ZFYVE9: variants seen among roughly 807,000 people sequenced by gnomAD.
The protein encoded by ZFYVE9 is zinc finger FYVE domain-containing protein 9.
In ZFYVE9, 43 loss-of-function variants were observed where a neutral mutation model predicts 126.7. That is an observed-to-expected ratio of 0.34 (90% CI 0.27 to 0.44). The LOEUF is 0.44. Among genes scored for constraint, ZFYVE9 ranks in the 20% least tolerant of loss-of-function variants. The pLI is 1.00. For synonymous variants in ZFYVE9, 521 were observed against 597.4 expected (o/e 0.87, Z 1.87); for missense variants, 1,476 against 1,697.0 (o/e 0.87, Z 2.29).
chr1:52,144,096 T>C (rs929888209), intron 1 of ZFYVE9, among the ~76,000 whole-genome samples: 1 of 151,936 alleles, frequency 6.6e-6, no homozygotes, highest in African/African-American at 2.4e-5. Context: ...CCGAGGCGGG[T>C]GGATCATGAG....
intron 3 of ZFYVE9, among the ~76,000 whole-genome samples, chr1:52,233,893 G>A (rs893674331): frequency 6.6e-6 from 1 of 152,124 alleles, no homozygotes; most frequent in African/African-American, 2.4e-5. Flanking sequence ...TGATTCCCAT[G>A]CCTCAGCTTC....
chr1:52,266,053 C>T (rs551807243), intron 5 of ZFYVE9, among the ~76,000 whole-genome samples: 8 of 152,246 alleles, frequency 5.3e-5, no homozygotes, highest in African/African-American at 1.9e-4. Flanking sequence ...ACCTTTAACT[C>T]AGATTGATCT....
At chr1:52,322,293 G>C (rs1281219773) in intron 13 of ZFYVE9, among the ~76,000 whole-genome samples, 1 of 151,786 alleles carries the variant, frequency 6.6e-6, no homozygotes, top group Non-Finnish European at 1.5e-5. Context: ...CTCTGACCTA[G>C]ATTTCTGCAG....
At chr1:52,281,285 A>T (rs1645801388) in intron 9 of ZFYVE9, among the ~76,000 whole-genome samples, 1 of 151,778 alleles carries the variant, frequency 6.6e-6, no homozygotes, top group African/African-American at 2.4e-5. Context: ...GGCGCCCGCC[A>T]CTGCACCCAG....
At chr1:52,260,921 C>T (rs748604762) in intron 4 of ZFYVE9, among the ~76,000 whole-genome samples, 1 of 152,144 alleles carries the variant, frequency 6.6e-6, no homozygotes, top group African/African-American at 2.4e-5. Flanking sequence ...TTCCATGCAT[C>T]CCTTAACTCT....
At chr1:52,227,940 C>T (rs1286282717) in intron 2 of ZFYVE9, among the ~76,000 whole-genome samples, 1 of 152,166 alleles carries the variant, frequency 6.6e-6, no homozygotes, top group Non-Finnish European at 1.5e-5. Context: ...TTAAAGGTTG[C>T]TGTCTAGTTT....
At chr1:52,174,624 A>C (rs1350335974) in intron 1 of ZFYVE9, among the ~76,000 whole-genome samples, 2 of 151,412 alleles carry the variant, frequency 1.3e-5, no homozygotes, top group African/African-American at 4.9e-5. Flanking sequence ...TCCCATTATT[A>C]TTGTGTGGGA....
chr1:52,297,768 G>T (rs1280309416), intron 12 of ZFYVE9, among the ~76,000 whole-genome samples: 2 of 151,542 alleles, frequency 1.3e-5, no homozygotes, highest in African/African-American at 4.9e-5. Context: ...TGTCGCCTGG[G>T]CTGGAGTGCA....
At chr1:52,222,976 C>A (rs1045233113) in intron 2 of ZFYVE9, among the ~76,000 whole-genome samples, 7 of 152,138 alleles carry the variant, frequency 4.6e-5, no homozygotes, top group Non-Finnish European at 1.5e-5. Flanking sequence ...TGAATCCTTC[C>A]CCTATAAACC....
chr1:52,168,163 T>G (rs560685500), intron 1 of ZFYVE9, among the ~76,000 whole-genome samples: 247 of 151,596 alleles, frequency 1.6e-3, no homozygotes, highest in African/African-American at 5.8e-3. Flanking sequence ...AGAAACAAAT[T>G]AAGTTTGTGT....
chr1:52,232,589 A>G (rs1645233307), intron 2 of ZFYVE9, among the ~76,000 whole-genome samples: 1 of 151,912 alleles, frequency 6.6e-6, no homozygotes, highest in Non-Finnish European at 1.5e-5. Context: ...TTAGCTGGAC[A>G]TGGTGGTGCT....
intron 1 of ZFYVE9, among the ~76,000 whole-genome samples, chr1:52,209,726 A>G (rs1645010418): frequency 1.3e-5 from 2 of 152,208 alleles, no homozygotes; most frequent in Admixed American, 6.5e-5. Flanking sequence ...GTGTTGATCA[A>G]GATGACTACT....
At chr1:52,326,602 A>G (rs974402646) in intron 13 of ZFYVE9, among the ~76,000 whole-genome samples, 1 of 149,648 alleles carries the variant, frequency 6.7e-6, no homozygotes, top group African/African-American at 2.5e-5. Flanking sequence ...TAATCCCAGC[A>G]CTTTGGGAGG....
intron 12 of ZFYVE9, among the ~76,000 whole-genome samples, chr1:52,297,930 T>C (rs1011161120): frequency 2.0e-5 from 3 of 152,062 alleles, no homozygotes; most frequent in African/African-American, 7.2e-5. Context: ...GCCAGGCTGG[T>C]CTCAAACTCA....
intron 4 of ZFYVE9, among the ~76,000 whole-genome samples, chr1:52,263,388 T>C (rs985189495): frequency 2.0e-5 from 3 of 152,224 alleles, no homozygotes; most frequent in Admixed American, 2.0e-4. Flanking sequence ...AATCTTTGTT[T>C]ATTTCATCCT....
rs548582143 is a variant in ZFYVE9, at chr1:52,252,499, A to T, written c.2179-11274A>T. ...CTCAGACTCCCAAGTAGCTGGGACT[A>T]CAGGCGTATGCCACCACACCCAGCT... On this transcript the variant is annotated intron_variant, in intron 4 of 18. Coordinates refer to ENST00000287727, the MANE Select transcript of ZFYVE9 (RefSeq NM_004799.4). 3.7e-3 allele frequency among the ~76,000 whole-genome samples: 567 copies of T among 152,274 alleles called. 3 individuals are homozygous for T. Among genetic ancestry groups the T allele is most frequent in the Non-Finnish European group, 6.2e-3 (420 of 68,010 alleles).
At chr1:52,193,552 C>G (rs1378315200) in intron 1 of ZFYVE9, among the ~76,000 whole-genome samples, 2 of 151,336 alleles carry the variant, frequency 1.3e-5, no homozygotes, top group South Asian at 2.1e-4. Context: ...ACTAAAAATA[C>G]AAAAATTAGC....
chr1:52,198,690 T>G (rs971238178), intron 1 of ZFYVE9, among the ~76,000 whole-genome samples: 1 of 152,164 alleles, frequency 6.6e-6, no homozygotes, highest in Non-Finnish European at 1.5e-5. Flanking sequence ...TCAGTAGTGA[T>G]TCATAACGCT....
At chr1:52,201,678 C>G (rs571212130) in intron 1 of ZFYVE9, among the ~76,000 whole-genome samples, 58 of 151,836 alleles carry the variant, frequency 3.8e-4, no homozygotes, top group African/African-American at 1.4e-3. Flanking sequence ...TGTGCCTGGC[C>G]CAGGTCTTAT....
Sources: gnomAD v4.1 joint callset for allele counts (sites outside exome capture counted in the v4.1 genomes callset) on GRCh38, gnomAD v4.1.1 for gene constraint, MANE v1.5 for transcripts, NCBI Gene and HGNC (gene_info 2026-07-23, HGNC 2026-07-21) for gene names.